ZNF653: variants seen among roughly 807,000 people sequenced by gnomAD.
The protein encoded by ZNF653 is zinc finger protein 653.
Under a neutral mutation model 59.9 loss-of-function variants are expected in ZNF653, and 37 were observed. The observed-to-expected ratio is 0.62, with a 90% CI of 0.48 to 0.81. The LOEUF is 0.81. Ranked by LOEUF, ZNF653 falls within the 40% of genes least tolerant of loss-of-function variation. ZNF653 has a pLI of 0.00. For synonymous variants in ZNF653, 435 were observed against 371.8 expected (o/e 1.17, Z -1.96); for missense variants, 808 against 881.1 (o/e 0.92, Z 1.05).
chr19:11,487,553 C>A lies in ZNF653; in HGVS notation c.910G>T (p.Val304Leu), dbSNP rs762393749. The A allele has an allele frequency of 1.9e-6, 3 of 1,613,974 alleles. No homozygotes were observed. In the South Asian group the frequency reaches 3.3e-5, roughly 18 times the overall value. ...ENVPQEALGE[V>L]VASCPMPGMV... Reference sequence around the variant, plus strand: ...CCTGGCATGGGGCAGCTGGCCACCACCTCACCCAGGGCCTCCTGGGGCACG... The same window carrying A: ...CCTGGCATGGGGCAGCTGGCCACCAACTCACCCAGGGCCTCCTGGGGCACG... Residue 304 changes from valine to leucine, a missense_variant, in exon 4 of 9, where the codon GTG (valine) becomes TTG (leucine). Transcript: ENST00000293771. This position sits in a 1 kb window ranked among gnomAD's most constrained non-coding sequence, Gnocchi z 5.1.
chr19:11,499,418 G>A (rs1286001042), intron 1 of ZNF653, among the ~76,000 whole-genome samples: 1 of 152,128 alleles, frequency 6.6e-6, no homozygotes, highest in Non-Finnish European at 1.5e-5. Context: ...GCTCAAGCCT[G>A]TAGTCCCAGC....
chr19:11,503,595 C>T (rs970060043), intron 1 of ZNF653, among the ~76,000 whole-genome samples: 12 of 152,010 alleles, frequency 7.9e-5, no homozygotes, highest in Admixed American at 5.3e-4. Flanking sequence ...TCCCTTGAGC[C>T]GAGGAGTTCG....
At chr19:11,494,633 A>G (rs1483451285) in intron 3 of ZNF653, among the ~76,000 whole-genome samples, 1 of 152,210 alleles carries the variant, frequency 6.6e-6, no homozygotes, top group African/African-American at 2.4e-5. Context: ...GCTTGCAGTG[A>G]GCCGAGATCG....
At chr19:11,500,456 TC>T (rs1971632028) in intron 1 of ZNF653, among the ~76,000 whole-genome samples, 1 of 152,186 alleles carries the variant, frequency 6.6e-6, no homozygotes, top group Non-Finnish European at 1.5e-5. Context: ...TGCCTCAGCC[TC>T]CTGAGTAGCT....
At chr19:11,493,645 G>A (rs539495595) in intron 3 of ZNF653, among the ~76,000 whole-genome samples, 4 of 152,276 alleles carry the variant, frequency 2.6e-5, no homozygotes, top group African/African-American at 7.2e-5. Flanking sequence ...GCCAGAGCAC[G>A]CGTCTGGGTC....
chr19:11,498,450 T>C, intron 1 of ZNF653, 111 bp from the exon 2 acceptor site: 1 of 1,443,780 alleles, frequency 6.9e-7, no homozygotes, highest in Non-Finnish European at 9.7e-7. Context: ...TGAAACTAAA[T>C]CTGAACTTTT....
intron 7 of ZNF653, among the ~76,000 whole-genome samples, chr19:11,485,184 C>T (rs1053936341): frequency 3.3e-5 from 5 of 152,004 alleles, no homozygotes; most frequent in African/African-American, 7.2e-5. Flanking sequence ...TCCACTATGT[C>T]CCCAGCCCAT....
At chr19:11,499,655 T>G (rs1971623830) in intron 1 of ZNF653, among the ~76,000 whole-genome samples, 1 of 149,964 alleles carries the variant, frequency 6.7e-6, no homozygotes, top group South Asian at 2.1e-4. Context: ...CTCATTCCTG[T>G]AATCTCAGCA....
At chr19:11,504,534 C>G in intron 1 of ZNF653, 1 of 985,444 alleles carries the variant, frequency 1.0e-6, no homozygotes, top group Non-Finnish European at 1.2e-6. Flanking sequence ...CAGTCCTGCT[C>G]TTGAGCATAT....
At chr19:11,500,027 T>C (rs1283745821) in intron 1 of ZNF653, among the ~76,000 whole-genome samples, 1 of 152,178 alleles carries the variant, frequency 6.6e-6, no homozygotes, top group Non-Finnish European at 1.5e-5. Flanking sequence ...ATCAGTATCA[T>C]CGTGGAGCCT....
intron 7 of ZNF653, 43 bp from the exon 8 acceptor site, chr19:11,484,184 G>C (rs1599559074): frequency 6.9e-7 from 1 of 1,451,182 alleles, no homozygotes; most frequent in East Asian, 2.5e-5. Context: ...TGGGCTATGG[G>C]GTGTCTCTGA....
In ZNF653 at chr19:11,486,896, C is replaced by T. The variant is rs112316419; in HGVS notation, c.1344-16G>A. Reference sequence around the variant, plus strand: ...CCGCCGCCTCCTGGAGGGGAAGGGGCCATGACATCGGGGCTCCCGCACCAG... The same window carrying T: ...CCGCCGCCTCCTGGAGGGGAAGGGGTCATGACATCGGGGCTCCCGCACCAG... On this transcript the variant is annotated splice_polypyrimidine_tract_variant and intron_variant, in intron 5 of 8. Transcript: ENST00000293771. The T allele has an allele frequency of 0.032, 51,460 of 1,610,432 alleles. 1,017 individuals carry two copies. The highest frequency in any genetic ancestry group is 0.063 in the East Asian group (2,794 of 44,562).
rs376085816 is a variant in ZNF653, at chr19:11,487,434, G to A, written c.1029C>T (p.Ser343=). The A allele has an allele frequency of 1.4e-5, 23 of 1,612,014 alleles. No homozygotes were observed. The highest frequency in any genetic ancestry group is 1.2e-4 in the Admixed American group (7 of 60,012). Residue 343 remains serine, a synonymous_variant, in exon 4 of 9, where the codon AGC becomes AGT. Coordinates refer to ENST00000293771, the MANE Select transcript of ZNF653 (RefSeq NM_138783.4). This position sits in a 1 kb window ranked among gnomAD's most constrained non-coding sequence, Gnocchi z 5.1. ...CGCCCAGTCCACTGCCGGGGACACC[G>A]CTGCCTGCTGCCATGTTGAGGTGAA... is the stretch of plus-strand genomic sequence containing the variant. ...EGIHLNMAAG[S]GVPGSGLGEE... is the part of the protein sequence containing the mutation.
chr19:11,505,327 G>C, intron 1 of ZNF653, 161 bp downstream of exon 1: 1 of 682,204 alleles, frequency 1.5e-6, no homozygotes, highest in Non-Finnish European at 2.2e-6. Flanking sequence ...CGAGCCAGGC[G>C]CGTCCCGGCC....
At position 11,498,343 on chromosome 19, in the gene ZNF653, C is replaced by T. The variant is rs987531547; in HGVS notation, c.300-4G>A. On this transcript the variant is annotated splice_region_variant and splice_polypyrimidine_tract_variant and intron_variant, in intron 1 of 8. Coordinates refer to ENST00000293771, the MANE Select transcript of ZNF653 (RefSeq NM_138783.4). ...GGGGACCTGCTCCCAAGGCTTCCTG[C>T]AACAGAAAGAGGCAGAGAGGGTGAA... The T allele has an allele frequency of 6.8e-6, 11 of 1,613,980 alleles. No homozygotes were observed. Among genetic ancestry groups the T allele is most frequent in the Non-Finnish European group, 9.3e-6 (11 of 1,179,966 alleles).
chr19:11,487,497 AATG>A lies in ZNF653; in HGVS notation c.963_965del (p.Ile322del), dbSNP rs1424509325. 6.2e-7 allele frequency: 1 copy of A among 1,613,774 alleles called. No homozygotes were observed. Among genetic ancestry groups the A allele is most frequent in the Non-Finnish European group, 8.5e-7 (1 of 1,179,960 alleles). Reference sequence around the variant, plus strand: ...TGAGAGCGTCGTAACCAGGGCCCGCAATGATGATCACCTGTGAGCCGGGCACCA... The same window carrying A: ...TGAGAGCGTCGTAACCAGGGCCCGCAATGATCACCTGTGAGCCGGGCACCA... On this transcript the variant is annotated inframe_deletion, in exon 4 of 9. Coordinates refer to ENST00000293771, the MANE Select transcript of ZNF653 (RefSeq NM_138783.4). The surrounding 1 kb of genome is among the most constrained non-coding windows in gnomAD (Gnocchi z 5.1).
chr19:11,501,434 C>A (rs1331147425), intron 1 of ZNF653, among the ~76,000 whole-genome samples: 1 of 151,738 alleles, frequency 6.6e-6, no homozygotes, highest in African/African-American at 2.4e-5. Context: ...CTGCTTCAGC[C>A]TCCCAAAGTG....
In ZNF653 at chr19:11,495,582, C is replaced by A; in HGVS notation, c.559+368G>T. On this transcript the variant is annotated intron_variant, in intron 3 of 8. Coordinates refer to ENST00000293771, the MANE Select transcript of ZNF653 (RefSeq NM_138783.4). The surrounding 1 kb of genome is among the most constrained non-coding windows in gnomAD (Gnocchi z 4.9). The stretch of plus-strand genomic sequence containing the variant: ...CATCACAGCCTATGAAGCCATAAGG[C>A]CTGGGTGGTTTAGGCGGCCGTTTCG... 1 of 329,220 alleles carries A rather than the reference C, an allele frequency of 3.0e-6. No individual in the cohort carries two copies. The highest frequency in any genetic ancestry group is 2.8e-5 in the South Asian group (1 of 35,822). 20.4% of individuals were successfully genotyped at this position (329,220 alleles called of 1,614,324 possible). A position where few individuals can be genotyped will look rare whatever the true frequency, so the allele number is the denominator to read the frequency against.
Position 11,487,168 on chromosome 19 carries a change from G to A in ZNF653, c.1172-10C>T. On this transcript the variant is annotated splice_polypyrimidine_tract_variant and intron_variant, in intron 4 of 8. Transcript: ENST00000293771. This position sits in a 1 kb window ranked among gnomAD's most constrained non-coding sequence, Gnocchi z 5.1. ...CACAGGTCCTCCTTCTCTACAGGGT[G>A]GACACAGGGTGGTGTCCGCAGGGGA... The A allele has an allele frequency of 6.2e-7, 1 of 1,609,990 alleles. No individual in the cohort carries two copies. Among genetic ancestry groups the A allele is most frequent in the Non-Finnish European group, 8.5e-7 (1 of 1,179,694 alleles).
Sources: allele counts gnomAD v4.1 joint callset (sites outside exome capture counted in the v4.1 genomes callset), GRCh38; gene constraint gnomAD v4.1.1; non-coding constraint Gnocchi (gnomAD v3.1); transcripts MANE v1.5; gene names NCBI Gene and HGNC (gene_info 2026-07-23, HGNC 2026-07-21).